HMCN1: variants seen among roughly 807,000 people sequenced by gnomAD.
The protein encoded by HMCN1 is hemicentin-1.
Under a neutral mutation model 625.9 loss-of-function variants are expected in HMCN1, and 321 were observed. The observed-to-expected ratio is 0.51, with a 90% CI of 0.47 to 0.56. HMCN1 has a LOEUF of 0.56. HMCN1 is among the 20% of genes least tolerant of loss of function. HMCN1 has a pLI of 0.00. For synonymous variants in HMCN1, 2,425 were observed against 2,417.6 expected, an observed-to-expected ratio of 1.00 and a Z score of -0.09; for missense variants, 6,588 against 6,887.3, an observed-to-expected ratio of 0.96 and a Z score of 1.54.
intron 1 of HMCN1, among the ~76,000 whole-genome samples, chr1:185,768,400 A>T (rs1656008391): frequency 6.6e-6 from 1 of 152,216 alleles, no homozygotes; most frequent in Non-Finnish European, 1.5e-5. Flanking sequence ...AGCATGTAAA[A>T]ACAGGTGGGA....
chr1:185,854,142 A>G (rs1662324642), intron 2 of HMCN1, among the ~76,000 whole-genome samples: 1 of 152,214 alleles, frequency 6.6e-6, no homozygotes, highest in South Asian at 2.1e-4. Flanking sequence ...AGAAAACTAT[A>G]AATCTCATTT....
At chr1:186,064,834 T>C (rs1218732450) in intron 48 of HMCN1, among the ~76,000 whole-genome samples, 1 of 144,680 alleles carries the variant, frequency 6.9e-6, no homozygotes, top group East Asian at 2.0e-4. Context: ...AAAAAGTATA[T>C]GAATACAAAG....
intron 1 of HMCN1, among the ~76,000 whole-genome samples, chr1:185,844,616 T>A (rs1322714106): frequency 1.3e-5 from 2 of 152,188 alleles, no homozygotes; most frequent in African/African-American, 4.8e-5. Context: ...TAATTTTGCA[T>A]TGTAGTTGCA....
At chr1:185,919,012 G>A (rs1666866245) in intron 6 of HMCN1, among the ~76,000 whole-genome samples, 1 of 151,146 alleles carries the variant, frequency 6.6e-6, no homozygotes, top group African/African-American at 2.4e-5. Context: ...GAATCTAGAT[G>A]ATAAAAAAAG....
chr1:185,946,640 A>G (rs1165496180), intron 11 of HMCN1, among the ~76,000 whole-genome samples: 2 of 152,252 alleles, frequency 1.3e-5, no homozygotes, highest in Non-Finnish European at 2.9e-5. Flanking sequence ...TAAGTGAGAA[A>G]AAACAAGACT....
intron 1 of HMCN1, among the ~76,000 whole-genome samples, chr1:185,803,205 C>CAAAAAAAAAAAAAAAAAAAAAAAAAAAAA: frequency 1.0e-4 from 6 of 58,738 alleles, no homozygotes; most frequent in Admixed American, 2.6e-4. Flanking sequence ...AAAAAAAAAG[C>CAAAAAAAAAAAAAAAAAAAAAAAAAAAAA]AAAAAAAAAA....
chr1:186,053,755 C>A, intron 43 of HMCN1, 70 bp from the exon 44 acceptor site: 1 of 1,484,628 alleles, frequency 6.7e-7, no homozygotes, highest in South Asian at 1.1e-5. Flanking sequence ...AAACAAATGT[C>A]ATACTTGGCA....
chr1:185,743,823 A>G (rs1654161444), intron 1 of HMCN1, among the ~76,000 whole-genome samples: 1 of 152,200 alleles, frequency 6.6e-6, no homozygotes, highest in Non-Finnish European at 1.5e-5. Flanking sequence ...GTCCTTTAAA[A>G]GTACTATAGA....
chr1:186,069,693 A>C lies in HMCN1; in HGVS notation c.7910A>C (p.Gln2637Pro). The change falls in exon 51 of 107, where the codon CAG becomes CCG. Residue 2637 changes from glutamine to proline, a missense_variant. By Grantham distance (76) the Gln-to-Pro change is moderately conservative. Transcript: ENST00000271588. ...AGAACTCTGCAGATCCTCAATGCAC[A>C]GGAGGACAATGCTGGAAGATACTCT... Reference protein sequence around the residue: ...GGRTLQILNAQEDNAGRYSCV... With the variant: ...GGRTLQILNAPEDNAGRYSCV... 2.5e-6 allele frequency: 4 copies of C among 1,613,178 alleles called. No individual in the cohort carries two copies. Among genetic ancestry groups the C allele is most frequent in the Non-Finnish European group, 3.4e-6 (4 of 1,179,606 alleles).
intron 1 of HMCN1, among the ~76,000 whole-genome samples, chr1:185,749,435 A>G (rs1369728611): frequency 1.3e-5 from 2 of 152,072 alleles, no homozygotes; most frequent in Non-Finnish European, 2.9e-5. Flanking sequence ...ACAAGGAGAA[A>G]CCTACTGCCT....
intron 1 of HMCN1, among the ~76,000 whole-genome samples, chr1:185,840,524 T>G (rs1232456144): frequency 1.3e-5 from 2 of 152,268 alleles, no homozygotes; most frequent in East Asian, 1.9e-4. Context: ...TCGCTTCATA[T>G]CCCAACTCAT....
At chr1:185,870,272 G>A (rs540790283) in intron 4 of HMCN1, among the ~76,000 whole-genome samples, 1 of 152,250 alleles carries the variant, frequency 6.6e-6, no homozygotes, top group African/African-American at 2.4e-5. Flanking sequence ...TATATGCTAG[G>A]TGGGTTGTCA....
At chr1:186,051,902 G>T (rs1446195292) in intron 42 of HMCN1, among the ~76,000 whole-genome samples, 2 of 151,868 alleles carry the variant, frequency 1.3e-5, no homozygotes, top group African/African-American at 2.4e-5. Context: ...GTTGTCAGAG[G>T]CCTAAACTTA....
At chr1:185,820,793 A>G (rs1011556585) in intron 1 of HMCN1, among the ~76,000 whole-genome samples, 1 of 152,164 alleles carries the variant, frequency 6.6e-6, no homozygotes, top group African/African-American at 2.4e-5. Flanking sequence ...TTAGTGGTGT[A>G]TAGCAATATT....
Position 185,989,639 on chromosome 1 carries a change from C to G in HMCN1, c.3200C>G (p.Thr1067Arg), listed in dbSNP as rs1270062944. ...TACGCCAAAAGGAAAGTGCAGCTAA[C>G]AGTCTATGGTGAGAGCTGGTGGAGG... ...AGYAKRKVQL[T>R]VYVRPRVFGD... Residue 1067 changes from threonine (T) to arginine (R), a missense_variant, in exon 21 of 107, where the codon ACA (threonine) becomes AGA (arginine). This residue lies in a region of HMCN1 where 4,628 missense variants were observed against 4,853.1 expected (regional missense o/e 0.95). Transcript: ENST00000271588. The G allele has an allele frequency of 5.0e-6, 8 of 1,613,892 alleles. No homozygotes were observed. The highest frequency in any genetic ancestry group is 2.2e-5 in the East Asian group (1 of 44,858).
chr1:185,838,176 C>T (rs1661283068), intron 1 of HMCN1, among the ~76,000 whole-genome samples: 1 of 152,190 alleles, frequency 6.6e-6, no homozygotes, highest in African/African-American at 2.4e-5. Flanking sequence ...CCAGCACAAG[C>T]CCCAGGCTTT....
intron 11 of HMCN1, among the ~76,000 whole-genome samples, chr1:185,955,841 C>T (rs1431330155): frequency 1.3e-5 from 2 of 152,092 alleles, no homozygotes; most frequent in African/African-American, 4.8e-5. Flanking sequence ...CATTACTTTT[C>T]ATCCTTCCGT....
chr1:185,917,562 G>A (rs1042789143), intron 6 of HMCN1, among the ~76,000 whole-genome samples: 5 of 152,158 alleles, frequency 3.3e-5, no homozygotes, highest in Admixed American at 6.6e-5. Flanking sequence ...GATGAGTATA[G>A]CATTAGCTGG....
At chr1:186,067,804 AT>A in intron 49 of HMCN1, 29 bp from the exon 50 acceptor site, 1 of 1,524,500 alleles carries the variant, frequency 6.6e-7, no homozygotes, top group East Asian at 2.3e-5. Flanking sequence ...TTCTACATAT[AT>A]TTCTTCAACA....
Sources: allele counts gnomAD v4.1 joint callset (sites outside exome capture counted in the v4.1 genomes callset), GRCh38; gene constraint gnomAD v4.1.1; regional missense constraint gnomAD v4.1.1; transcripts MANE v1.5; gene names NCBI Gene and HGNC (gene_info 2026-07-23, HGNC 2026-07-21).